DPP9: variants seen among roughly 807,000 people sequenced by gnomAD.
DPP9 encodes dipeptidyl peptidase IV-related protein-2.
A neutral mutation model predicts 110.7 loss-of-function variants in DPP9; 50 were observed. That is an observed-to-expected ratio of 0.45 (90% confidence interval 0.36 to 0.57). The LOEUF (loss-of-function observed/expected upper bound fraction) is 0.57, where lower values mean the gene tolerates loss of function less well. Among genes scored for constraint, DPP9 ranks in the 20% least tolerant of loss-of-function variants. The pLI, the probability that DPP9 is intolerant of heterozygous loss-of-function variation, is 0.00. For synonymous variants in DPP9, 561 were observed against 514.4 expected (o/e 1.09, Z -1.23); for missense variants, 1,022 against 1,217.9 (o/e 0.84, Z 2.39).
In DPP9 at chr19:4,704,277, G is replaced by A. The variant is rs144858766; in HGVS notation, c.454C>T (p.Arg152Trp). ...CGCTCCCTCAGCAGCTCCTCCTCCCGAGAGTAGACCCCATGGTGGGGCGTG... is the reference window on the plus strand; with the variant it reads ...CGCTCCCTCAGCAGCTCCTCCTCCCAAGAGTAGACCCCATGGTGGGGCGTG... ...QATPHHGVYS[R>W]EEELLRERKR... The change falls in exon 6 of 22, where the codon CGG (arginine) becomes TGG (tryptophan). Residue 152 changes from arginine to tryptophan, a missense_variant. Arg to Trp is a moderately radical substitution (Grantham distance 101). Around this residue, in one of 3 missense-constraint regions of DPP9, gnomAD observed 810 missense variants for 920.6 expected, o/e 0.88. Transcript: ENST00000262960. The surrounding 1 kb of genome is among the most constrained non-coding windows in gnomAD (Gnocchi z 6.0). 2.5e-6 allele frequency: 4 copies of A among 1,613,524 alleles called. No homozygotes were observed. The highest frequency in any genetic ancestry group is 1.3e-5 in the African/African-American group (1 of 75,074).
chr19:4,700,312 G>A lies in DPP9; in HGVS notation c.1013-35C>T, dbSNP rs767977048. ...CCGAAGTGAGGTGAACACCAGGCAG[G>A]CATCACCCGTGTGTGCCGAGAGCCG... On this transcript the variant is annotated intron_variant, in intron 9 of 21. Transcript: ENST00000262960. This position sits in a 1 kb window ranked among gnomAD's most constrained non-coding sequence, Gnocchi z 4.3. 11 of 1,574,250 alleles carry A rather than the reference G, an allele frequency of 7.0e-6. No individual in the cohort carries two copies. The Admixed American group carries it at 1.9e-4, about 27-fold the overall frequency.
rs2091535825 is a variant in DPP9, at chr19:4,693,748, C to G, written c.1516+913G>C. On this transcript the variant is annotated intron_variant, in intron 13 of 21. Coordinates refer to ENST00000262960, the MANE Select transcript of DPP9 (RefSeq NM_139159.5). This position sits in a 1 kb window ranked among gnomAD's most constrained non-coding sequence, Gnocchi z 5.0. Reference sequence around the variant, plus strand: ...GTGAGGGTGACGACTTCCTATTTCTCTCGGGGTCAAAGCCCAAGTCCTCCT... The same window carrying G: ...GTGAGGGTGACGACTTCCTATTTCTGTCGGGGTCAAAGCCCAAGTCCTCCT... Among the ~76,000 whole-genome samples, 2 of 152,058 alleles carry G rather than the reference C, an allele frequency of 1.3e-5. No homozygotes were observed. Among genetic ancestry groups the G allele is most frequent in the African/African-American group, 4.8e-5 (2 of 41,430 alleles).
chr19:4,676,398 T>G lies in DPP9; in HGVS notation c.*166A>C. The G allele has an allele frequency of 1.6e-6, 1 of 615,940 alleles. No homozygotes were observed. The highest frequency in any genetic ancestry group is 2.9e-6 in the Non-Finnish European group (1 of 345,456). 38.2% of individuals were successfully genotyped at this position (615,940 alleles called of 1,614,324 possible). ...AAACCCAAGAGCGTTTAAAAAAGGATAAAAGGCGTCGGGGCGGTGAAGGCA... is the reference window on the plus strand; with the variant it reads ...AAACCCAAGAGCGTTTAAAAAAGGAGAAAAGGCGTCGGGGCGGTGAAGGCA... On this transcript the variant is annotated 3_prime_UTR_variant, in exon 22 of 22. Coordinates refer to ENST00000262960, the MANE Select transcript of DPP9 (RefSeq NM_139159.5). The surrounding 1 kb of genome is among the most constrained non-coding windows in gnomAD (Gnocchi z 4.0).
chr19:4,706,541 C>T (rs1240535674), intron 4 of DPP9, among the ~76,000 whole-genome samples: 1 of 151,704 alleles, frequency 6.6e-6, no homozygotes, highest in African/African-American at 2.4e-5. Context: ...GAGGGCCAGG[C>T]GACATGGCTC....
intron 4 of DPP9, 116 bp from the exon 5 acceptor site, chr19:4,706,086 C>A (rs112088461): frequency 3.4e-6 from 3 of 878,264 alleles, no homozygotes; most frequent in Non-Finnish European, 5.1e-6. Flanking sequence ...TCTGCCAGGC[C>A]GCCGGCGGGA....
chr19:4,709,847 G>A lies in DPP9; in HGVS notation c.314-3877C>T, dbSNP rs111983500. 2.7e-4 allele frequency among the ~76,000 whole-genome samples: 41 copies of A among 152,252 alleles called. 1 individual carries two copies. In the Middle Eastern group the frequency reaches 0.02, roughly 76 times the overall value. On this transcript the variant is annotated intron_variant, in intron 4 of 21. Transcript: ENST00000262960. ...GGGGTGGGAGGGATGGGAGGGCCTG[G>A]GCAGCTAGTCCACAGGGACTCTCCA...
chr19:4,721,068 C>A lies in DPP9; in HGVS notation c.-35-1127G>T, dbSNP rs114761000. ...GTCTCACCTGGGGATAACCGGCCCCCCCAGGGGACATTTTTGGTTATGACG... is the reference window on the plus strand; with the variant it reads ...GTCTCACCTGGGGATAACCGGCCCCACCAGGGGACATTTTTGGTTATGACG... On this transcript the variant is annotated intron_variant, in intron 2 of 21. Transcript: ENST00000262960. 1.1e-3 allele frequency among the ~76,000 whole-genome samples: 160 copies of A among 152,294 alleles called. 3 individuals carry two copies. Among genetic ancestry groups the A allele is most frequent in the African/African-American group, 3.7e-3 (154 of 41,570 alleles).
intron 2 of DPP9, 82 bp downstream of exon 2, chr19:4,722,417 T>G: frequency 1.5e-6 from 1 of 677,588 alleles, no homozygotes; most frequent in Non-Finnish European, 2.7e-6. Flanking sequence ...TTCCTGCCCA[T>G]GTCTATATTC....
chr19:4,692,698 C>T (rs1247631617), intron 13 of DPP9, among the ~76,000 whole-genome samples: 1 of 152,126 alleles, frequency 6.6e-6, no homozygotes, highest in Non-Finnish European at 1.5e-5. Flanking sequence ...CACTTGAGAC[C>T]ACATTTGAAA....
At chr19:4,715,784 A>G (rs2093047632) in intron 3 of DPP9, 1 of 151,940 alleles carries the variant, frequency 6.6e-6, no homozygotes, top group African/African-American at 2.4e-5. Context: ...CCCAAAGAAT[A>G]TCCCACTCTC....
Position 4,676,913 on chromosome 19 carries a change from C to T in DPP9, c.2587-257G>A, listed in dbSNP as rs940709695. On this transcript the variant is annotated intron_variant, in intron 21 of 21. Transcript: ENST00000262960. The surrounding 1 kb of genome is among the most constrained non-coding windows in gnomAD (Gnocchi z 4.0). ...TTTACAAAACGCCTTGCGGTGTGCA[C>T]GCGCTTGCACAGAGGAAAGATTTAG... Among the ~76,000 whole-genome samples, 3 of 152,150 alleles carry T rather than the reference C, an allele frequency of 2.0e-5. No individual in the cohort carries two copies. The highest frequency in any genetic ancestry group is 4.4e-5 in the Non-Finnish European group (3 of 68,036).
chr19:4,679,414 C>T, intron 21 of DPP9: 1 of 217,762 alleles, frequency 4.6e-6, no homozygotes, highest in Non-Finnish European at 9.3e-6. Context: ...CCCTTCACTG[C>T]TGCCTCCTCA....
At position 4,685,237 on chromosome 19, in the gene DPP9, G is replaced by A; in HGVS notation, c.2031+389C>T. 1.9e-6 allele frequency: 1 copy of A among 520,576 alleles called. No homozygotes were observed. Among genetic ancestry groups the A allele is most frequent in the South Asian group, 1.5e-5 (1 of 65,148 alleles). The allele number at this position is 520,576 out of a possible 1,614,324, so 32.2% of individuals were successfully genotyped here. A position where few individuals can be genotyped will look rare whatever the true frequency, so the allele number is the denominator to read the frequency against. ...CCTCTGTGGGGACAGAGCTGCTCTG[G>A]GTAAGATGTGCGCCTAAGATGGTCC... On this transcript the variant is annotated intron_variant, in intron 17 of 21. Coordinates refer to ENST00000262960, the MANE Select transcript of DPP9 (RefSeq NM_139159.5). The surrounding 1 kb of genome is among the most constrained non-coding windows in gnomAD (Gnocchi z 5.8).
chr19:4,711,468 T>C lies in DPP9; in HGVS notation c.313+2613A>G, dbSNP rs1301601677. Among the ~76,000 whole-genome samples the C allele has an allele frequency of 2.0e-5, 3 of 152,018 alleles. No individual in the cohort carries two copies. In the East Asian group the frequency reaches 5.8e-4, roughly 30 times the overall value. ...TACCCAAGTGACCCAGATGGCATCA[T>C]GAGTCCTTATCAGAGGGAGGCAGGC... On this transcript the variant is annotated intron_variant, in intron 4 of 21. Coordinates refer to ENST00000262960, the MANE Select transcript of DPP9 (RefSeq NM_139159.5).
rs186690050 is a variant in DPP9, at chr19:4,694,644, C to T, written c.1516+17G>A. The T allele has an allele frequency of 2.2e-3, 3,611 of 1,606,382 alleles. 17 individuals are homozygous for T. The highest frequency in any genetic ancestry group is 1.8e-3 in the Non-Finnish European group (2,157 of 1,176,230). On this transcript the variant is annotated intron_variant, in intron 13 of 21. Coordinates refer to ENST00000262960, the MANE Select transcript of DPP9 (RefSeq NM_139159.5). The surrounding 1 kb of genome is among the most constrained non-coding windows in gnomAD (Gnocchi z 4.0). ...ACTAACGCGATGAGTCGACAGCATT[C>T]GTCAGGCTCTGCTCACCTTCCCCGG...
chr19:4,699,152 C>G (rs2092040494), intron 10 of DPP9, among the ~76,000 whole-genome samples: 1 of 126,218 alleles, frequency 7.9e-6, no homozygotes, highest in Admixed American at 8.1e-5. Flanking sequence ...GAGCGAGACT[C>G]CACCTCAAAA....
rs1490460776 is a variant in DPP9 at position 4,687,551 on chromosome 19, C to A, written c.1885+1206G>T. ...GTCAGGTTGCCTCATTTCCTGAGGC[C>A]CCCCTGTGACTGACCCTTTGCTCCT... On this transcript the variant is annotated intron_variant, in intron 16 of 21. Transcript: ENST00000262960. The surrounding 1 kb of genome is among the most constrained non-coding windows in gnomAD (Gnocchi z 4.7). Among the ~76,000 whole-genome samples the A allele has an allele frequency of 1.3e-5, 2 of 152,088 alleles. No individual in the cohort carries two copies. Among genetic ancestry groups the A allele is most frequent in the Non-Finnish European group, 2.9e-5 (2 of 68,006 alleles).
At chr19:4,691,866 C>T (rs902144883) in intron 13 of DPP9, among the ~76,000 whole-genome samples, 4 of 151,536 alleles carry the variant, frequency 2.6e-5, no homozygotes, top group African/African-American at 4.8e-5. Context: ...TTAGTAGAGA[C>T]GGGGTTTCAC....
rs750099293 is a variant in DPP9 at position 4,690,894 on chromosome 19, G to A, written c.1580C>T (p.Ala527Val). Reference sequence around the variant, plus strand: ...CCCTGGTACCTTGGAGCCGTGCCTCGCCAAAACCTCCCATTCACCGCTGGT... The same window carrying A: ...CCCTGGTACCTTGGAGCCGTGCCTCACCAAAACCTCCCATTCACCGCTGGT... ...ALTSGEWEVL[A>V]RHGSKIWVNE... The change falls in exon 14 of 22, where the codon GCG (alanine) becomes GTG (valine). Residue 527 changes from alanine to valine, a missense_variant. Physicochemically the swap from Ala to Val is moderately conservative, Grantham distance 64 (BLOSUM62 0). Coordinates refer to ENST00000262960, the MANE Select transcript of DPP9 (RefSeq NM_139159.5). 7 of 1,612,704 alleles carry A rather than the reference G, an allele frequency of 4.3e-6. No homozygotes were observed. Among genetic ancestry groups the A allele is most frequent in the Non-Finnish European group, 5.1e-6 (6 of 1,179,442 alleles).
Sources: allele counts gnomAD v4.1 joint callset (sites outside exome capture counted in the v4.1 genomes callset), GRCh38; gene constraint gnomAD v4.1.1; regional missense constraint gnomAD v4.1.1; non-coding constraint Gnocchi (gnomAD v3.1); transcripts MANE v1.5; gene names NCBI Gene and HGNC (gene_info 2026-07-23, HGNC 2026-07-21).